CPVL: variants seen among roughly 807,000 people sequenced by gnomAD.
CPVL encodes the protein probable serine carboxypeptidase CPVL.
CPVL carries 51 observed loss-of-function variants against 63.7 expected under a neutral mutation model. That is an observed-to-expected ratio of 0.80 (90% CI 0.64 to 1.01). The LOEUF is 1.01. CPVL is among the 50% of genes least tolerant of loss of function. CPVL has a pLI of 0.00. For synonymous variants in CPVL, 195 were observed against 206.0 expected, an observed-to-expected ratio of 0.95 and a Z score of 0.46; for missense variants, 530 against 573.1, an observed-to-expected ratio of 0.92 and a Z score of 0.77.
intron 1 of CPVL, among the ~76,000 whole-genome samples, chr7:29,132,365 T>C (rs1193589926): frequency 2.0e-5 from 3 of 152,198 alleles, no homozygotes; most frequent in Non-Finnish European, 4.4e-5. Context: ...TTCCCAGCTC[T>C]GGATATCTCT....
intron 7 of CPVL, among the ~76,000 whole-genome samples, chr7:29,073,395 C>T (rs1783940465): frequency 6.6e-6 from 1 of 152,136 alleles, no homozygotes; most frequent in Non-Finnish European, 1.5e-5. Flanking sequence ...CTGCAGTAGA[C>T]TCCTCATTGG....
At chr7:29,113,654 T>A (rs1282084176) in intron 2 of CPVL, 1 of 152,194 alleles carries the variant, frequency 6.6e-6, no homozygotes, top group African/African-American at 2.4e-5. Context: ...ATAAGAAAGC[T>A]GAAGCACAGA....
At chr7:29,008,604 C>T (rs1785456633) in intron 12 of CPVL, among the ~76,000 whole-genome samples, 1 of 152,134 alleles carries the variant, frequency 6.6e-6, no homozygotes. Flanking sequence ...CCACAAAATG[C>T]TCACTAGTTT....
chr7:29,187,369 A>G (rs1562815910), intron 1 of CPVL, among the ~76,000 whole-genome samples: 1 of 150,918 alleles, frequency 6.6e-6, no homozygotes, highest in African/African-American at 2.4e-5. Context: ...GTGTGTGACA[A>G]AGAGAGAGAC....
chr7:29,133,201 A>AC (rs1355698215), intron 1 of CPVL, among the ~76,000 whole-genome samples: 5 of 152,092 alleles, frequency 3.3e-5, no homozygotes, highest in Non-Finnish European at 7.4e-5. Context: ...GGCAAAAAAA[A>AC]AAAAAACAAA....
intron 11 of CPVL, among the ~76,000 whole-genome samples, chr7:29,042,010 C>T (rs950136174): frequency 1.5e-4 from 23 of 152,090 alleles, no homozygotes; most frequent in Non-Finnish European, 4.4e-5. Flanking sequence ...GACAGCACTG[C>T]TATACCTTGG....
At chr7:29,044,893 T>A (rs1240359165) in intron 11 of CPVL, among the ~76,000 whole-genome samples, 2 of 152,222 alleles carry the variant, frequency 1.3e-5, no homozygotes, top group Non-Finnish European at 1.5e-5. Flanking sequence ...TGAACCACTC[T>A]CACCATGCCA....
intron 1 of CPVL, among the ~76,000 whole-genome samples, chr7:29,139,938 TATG>T (rs1317972921): frequency 6.6e-6 from 1 of 152,258 alleles, no homozygotes; most frequent in Non-Finnish European, 1.5e-5. Flanking sequence ...CAGAATTAGC[TATG>T]GCTGCCATTT....
At chr7:29,146,152 G>C (rs245879) in intron 1 of CPVL, 140,261 of 156,580 alleles carry the variant, frequency 0.9, 63,153 homozygotes, top group East Asian at 1. Context: ...GTAGGAGACG[G>C]CTTCTAGCCT....
intron 5 of CPVL, among the ~76,000 whole-genome samples, chr7:29,176,310 A>G (rs1211045247): frequency 6.6e-6 from 1 of 152,208 alleles, no homozygotes; most frequent in Non-Finnish European, 1.5e-5. Flanking sequence ...AAATAAAGTC[A>G]CATTTAGATA....
intron 1 of CPVL, among the ~76,000 whole-genome samples, chr7:29,138,918 C>T (rs1367782720): frequency 6.6e-6 from 1 of 152,162 alleles, no homozygotes; most frequent in Non-Finnish European, 1.5e-5. Flanking sequence ...AGGCCTCTTC[C>T]CACTTCTCCC....
intron 6 of CPVL, among the ~76,000 whole-genome samples, chr7:29,087,038 A>G (rs1255505984): frequency 6.6e-6 from 1 of 152,206 alleles, no homozygotes; most frequent in Non-Finnish European, 1.5e-5. Flanking sequence ...TAAGATGACT[A>G]TAATTTAAAA....
chr7:28,997,645 A>G (rs1323570115), intron 12 of CPVL, among the ~76,000 whole-genome samples: 2 of 152,180 alleles, frequency 1.3e-5, no homozygotes, highest in Non-Finnish European at 2.9e-5. Flanking sequence ...TTGTTAAGTG[A>G]GATAACTAGC....
At chr7:29,002,408 C>T (rs1310885284) in intron 12 of CPVL, among the ~76,000 whole-genome samples, 1 of 152,186 alleles carries the variant, frequency 6.6e-6, no homozygotes, top group Non-Finnish European at 1.5e-5. Flanking sequence ...TATGCCTCTA[C>T]TCTGTATGCC....
In CPVL at chr7:29,146,424, C is replaced by T; in HGVS notation, c.-11+5G>A. ...CACGACCCACGCAGGGCAGGCGGCA[C>T]TTACGCGGCGCAGTCGGTGCTCCTC... On this transcript the variant is annotated splice_donor_5th_base_variant and intron_variant, in intron 1 of 12. Transcript: ENST00000265394. 8.8e-7 allele frequency: 1 copy of T among 1,142,202 alleles called. No individual in the cohort carries two copies. Among genetic ancestry groups the T allele is most frequent in the East Asian group, 2.6e-5 (1 of 37,742 alleles). 70.8% of individuals were successfully genotyped at this position (1,142,202 alleles called of 1,614,324 possible).
chr7:29,082,348 G>C (rs537275737), intron 7 of CPVL: 1 of 152,274 alleles, frequency 6.6e-6, no homozygotes, highest in African/African-American at 2.4e-5. Context: ...CAGGGAGGCT[G>C]AAAGACTTTT....
intron 6 of CPVL, among the ~76,000 whole-genome samples, chr7:29,089,733 T>G (rs935010353): frequency 6.6e-6 from 1 of 152,172 alleles, no homozygotes. Context: ...TGGGTTTAAA[T>G]ACAACTGCAA....
chr7:28,997,757 G>A (rs957830864), intron 12 of CPVL, among the ~76,000 whole-genome samples: 3 of 139,708 alleles, frequency 2.1e-5, no homozygotes, highest in African/African-American at 4.9e-5. Context: ...GCTTAGTCAC[G>A]GAACATTTTT....
intron 1 of CPVL, among the ~76,000 whole-genome samples, chr7:29,135,541 T>G (rs1208522424): frequency 6.6e-6 from 1 of 151,934 alleles, no homozygotes; most frequent in South Asian, 2.1e-4. Flanking sequence ...ACCATGTTGA[T>G]CAGGCTGGTC....
Sources: gnomAD v4.1 joint callset for allele counts (sites outside exome capture counted in the v4.1 genomes callset) on GRCh38, gnomAD v4.1.1 for gene constraint, MANE v1.5 for transcripts, NCBI Gene and HGNC (gene_info 2026-07-23, HGNC 2026-07-21) for gene names.